SLC26A5: variants seen among roughly 807,000 people sequenced by gnomAD.
SLC26A5 encodes the protein solute carrier family 26 member 5, also known as prestin.
A neutral mutation model predicts 81.0 loss-of-function variants in SLC26A5; 51 were observed. The ratio of observed to expected loss-of-function variants is 0.63; its 90% CI spans 0.50 to 0.80. The LOEUF (loss-of-function observed/expected upper bound fraction) is 0.80. Among genes scored for constraint, SLC26A5 ranks in the 30% least tolerant of loss-of-function variants. The pLI, the probability that SLC26A5 is intolerant of heterozygous loss-of-function variation, is 0.00. For missense variants in SLC26A5, 771 were observed against 905.8 expected, an observed-to-expected ratio of 0.85 and a Z score of 1.91; for synonymous variants, 325 against 332.8, an observed-to-expected ratio of 0.98 and a Z score of 0.25.
rs969783641 is a variant in SLC26A5, at chr7:103,408,074, C to T, written c.736-71G>A. 3 of 1,567,100 alleles carry T rather than the reference C, an allele frequency of 1.9e-6. No individual in the cohort carries two copies. In the African/African-American group the frequency reaches 4.1e-5, roughly 21 times the overall value. ...TGAGAGAGACAGAGACACTCTAGCG[C>T]ACTAATTCACACCAGCCATTCCGTT... On this transcript the variant is annotated intron_variant, in intron 7 of 19. Transcript: ENST00000306312.
chr7:103,364,613 G>C (rs1820594012), intron 19 of SLC26A5, among the ~76,000 whole-genome samples: 1 of 152,012 alleles, frequency 6.6e-6, no homozygotes, highest in Non-Finnish European at 1.5e-5. Context: ...TTTACCATGT[G>C]GCCCAGCTGG....
intron 2 of SLC26A5, among the ~76,000 whole-genome samples, chr7:103,441,149 G>T (rs1344343501): frequency 2.0e-5 from 3 of 152,126 alleles, no homozygotes; most frequent in African/African-American, 7.2e-5. Flanking sequence ...TGCAGCTCCT[G>T]GTAACCGACG....
rs984643227 is a variant in SLC26A5 at position 103,358,036 on chromosome 7, T to C, written c.2042-5110A>G. ...TCTACCCTGGAGATTGCCCTTTACC[T>C]CTCTCCTGTTGCTTGGTCTAATACA... On this transcript the variant is annotated intron_variant, in intron 19 of 19. Coordinates refer to the SLC26A5 transcript ENST00000339444. 7.9e-4 allele frequency among the ~76,000 whole-genome samples: 120 copies of C among 152,204 alleles called. 5 individuals carry two copies. Among genetic ancestry groups the C allele is most frequent in the Non-Finnish European group, 1.3e-4 (9 of 68,050 alleles).
In SLC26A5 at chr7:103,391,606, C is replaced by T. The variant is rs1453203560; in HGVS notation, c.1233+16G>A. 6.3e-7 allele frequency: 1 copy of T among 1,597,160 alleles called. No individual in the cohort carries two copies. The highest frequency in any genetic ancestry group is 2.2e-5 in the East Asian group (1 of 44,824). ...CACCCATATCATCAGGTCTTAGAGG[C>T]CTGTTATGTACATACCTGTGTCTTC... On this transcript the variant is annotated intron_variant, in intron 11 of 19. Coordinates refer to ENST00000306312, the MANE Select transcript of SLC26A5 (RefSeq NM_198999.3).
At chr7:103,388,876 T>C in intron 14 of SLC26A5, 132 bp downstream of exon 14, 2 of 702,506 alleles carry the variant, frequency 2.8e-6, no homozygotes, top group Non-Finnish European at 5.2e-6. Context: ...ATGAGTGTTA[T>C]AGCTCCCTCT....
intron 4 of SLC26A5, among the ~76,000 whole-genome samples, chr7:103,414,532 C>G (rs776070241): frequency 6.6e-6 from 1 of 152,148 alleles, no homozygotes; most frequent in African/African-American, 2.4e-5. Flanking sequence ...TTAAGCTACA[C>G]CAGGCTGACT....
At chr7:103,419,108 T>C (rs1470622194) in intron 4 of SLC26A5, among the ~76,000 whole-genome samples, 1 of 152,212 alleles carries the variant, frequency 6.6e-6, no homozygotes, top group African/African-American at 2.4e-5. Context: ...CCATGTAAGA[T>C]GTGACTTTGC....
At chr7:103,362,238 T>G in intron 19 of SLC26A5, 1 of 1,441,226 alleles carries the variant, frequency 6.9e-7, no homozygotes, top group South Asian at 1.5e-5. Flanking sequence ...AATTCTGTCT[T>G]CTGCATCTGC....
At chr7:103,422,139 G>T (rs1825398940) in intron 2 of SLC26A5, among the ~76,000 whole-genome samples, 1 of 152,140 alleles carries the variant, frequency 6.6e-6, no homozygotes, top group Non-Finnish European at 1.5e-5. Flanking sequence ...TGATTACATT[G>T]TCATGTTTTT....
At chr7:103,375,506 T>C (rs1050938767) in intron 19 of SLC26A5, among the ~76,000 whole-genome samples, 1 of 152,204 alleles carries the variant, frequency 6.6e-6, no homozygotes, top group East Asian at 1.9e-4. Context: ...CTATGGAGCA[T>C]GGTGTCATTT....
rs540106073 is a variant in SLC26A5, at chr7:103,381,201, C to T, written c.1515-652G>A. Among the ~76,000 whole-genome samples the T allele has an allele frequency of 2.0e-5, 3 of 151,324 alleles. No homozygotes were observed. In the South Asian group the frequency reaches 6.3e-4, roughly 32 times the overall value. On this transcript the variant is annotated intron_variant, in intron 14 of 19. Transcript: ENST00000306312. ...ATGCAATACACACATACCATATACA[C>T]CTCATACCACACATATACACACTCC...
At chr7:103,443,271 A>C (rs1827013349) in intron 1 of SLC26A5, 60 bp from the exon 2 acceptor site, 1 of 152,232 alleles carries the variant, frequency 6.6e-6, no homozygotes, top group Non-Finnish European at 1.5e-5. Flanking sequence ...TTTTTGAAAG[A>C]AGCTATGTCC....
At chr7:103,395,650 T>C (rs1207078723) in intron 9 of SLC26A5, among the ~76,000 whole-genome samples, 2 of 150,514 alleles carry the variant, frequency 1.3e-5, no homozygotes, top group East Asian at 2.0e-4. Context: ...GGCCTTCCAA[T>C]AGTGGGATTA....
chr7:103,362,627 A>G (rs1820475445), intron 19 of SLC26A5: 1 of 1,517,140 alleles, frequency 6.6e-7, no homozygotes, highest in Non-Finnish European at 9.1e-7. Flanking sequence ...AGGACTAAAC[A>G]TAAAAGCACT....
intron 14 of SLC26A5, 47 bp downstream of exon 14, chr7:103,388,961 G>A (rs1360693164): frequency 7.2e-7 from 1 of 1,392,896 alleles, no homozygotes; most frequent in South Asian, 1.2e-5. Flanking sequence ...AGTCAACATT[G>A]TCATCTCTGC....
rs955249093 is a variant in SLC26A5, at chr7:103,411,493, T to C, written c.497A>G (p.Asn166Ser). The change falls in exon 6 of 20, where the codon AAT (asparagine) becomes AGT (serine). Residue 166 changes from asparagine (N) to serine (S), a missense_variant. Asn to Ser is a conservative substitution (Grantham distance 46). Coordinates refer to ENST00000306312, the MANE Select transcript of SLC26A5 (RefSeq NM_198999.3). ...IVIPGGVNAT[N>S]GTEARDALRV... Reference sequence around the variant, plus strand: ...CAAGGCATCTCTGGCCTCTGTGCCATTGGTTGCATTTACTCCTCCTGGAAT... The same window carrying C: ...CAAGGCATCTCTGGCCTCTGTGCCACTGGTTGCATTTACTCCTCCTGGAAT... 12 of 1,614,068 alleles carry C rather than the reference T, an allele frequency of 7.4e-6. No individual in the cohort carries two copies. The highest frequency in any genetic ancestry group is 1.6e-4 in the Middle Eastern group (1 of 6,084).
intron 8 of SLC26A5, among the ~76,000 whole-genome samples, chr7:103,400,992 C>T (rs925662016): frequency 6.6e-6 from 1 of 152,112 alleles, no homozygotes; most frequent in Non-Finnish European, 1.5e-5. Context: ...AGTCAGGTAA[C>T]GTGTTGCATC....
chr7:103,366,307 A>G (rs1045655262), intron 19 of SLC26A5: 18 of 680,542 alleles, frequency 2.6e-5, no homozygotes, highest in Non-Finnish European at 4.0e-5. Context: ...CAGATCTAAT[A>G]AGTAGTAGTG....
Position 103,431,865 on chromosome 7 carries a change from GC to G in SLC26A5, c.-53-10299del, listed in dbSNP as rs1176083192. Among the ~76,000 whole-genome samples the G allele has an allele frequency of 4.2e-5, 5 of 119,662 alleles. No individual in the cohort carries two copies. In the East Asian group the frequency reaches 1.6e-3, roughly 38 times the overall value. The allele number at this position is 119,662 out of a possible 152,430, so 78.5% of individuals were successfully genotyped here. ...CTGCTCTAAGTAATAAAATTATATG[GC>G]TTTTTTTTTTTACTTATCAAGTTTA... On this transcript the variant is annotated intron_variant, in intron 2 of 19. Transcript: ENST00000306312.
Sources: gnomAD v4.1 joint callset for allele counts (sites outside exome capture counted in the v4.1 genomes callset) on GRCh38, gnomAD v4.1.1 for gene constraint, MANE v1.5 for transcripts, NCBI Gene and HGNC (gene_info 2026-07-23, HGNC 2026-07-21) for gene names.